Variants in NIPAL3 observed in about 807,000 individuals in gnomAD.
NIPAL3 encodes NIPA like domain containing 3.
Under a neutral mutation model 47.2 loss-of-function variants are expected in NIPAL3, and 41 were observed. The observed-to-expected ratio is 0.87, with a 90% CI of 0.68 to 1.13. The LOEUF (loss-of-function observed/expected upper bound fraction) is 1.13. Ranked by LOEUF, NIPAL3 falls within the 50% of genes most tolerant of loss-of-function variation. NIPAL3 has a pLI of 0.00. For synonymous variants in NIPAL3, 194 were observed against 209.6 expected (o/e 0.93, Z 0.64); for missense variants, 449 against 530.1 (o/e 0.85, Z 1.50).
At chr1:24,440,298 G>A in intron 3 of NIPAL3, 58 bp downstream of exon 3, 1 of 1,380,930 alleles carries the variant, frequency 7.2e-7, no homozygotes, top group Non-Finnish European at 9.7e-7. Context: ...AAGTCAGGGT[G>A]TCTTATCCAG....
In NIPAL3 at chr1:24,449,195, A is replaced by G. The variant is rs1645813101; in HGVS notation, c.395-286A>G. 6.6e-6 allele frequency among the ~76,000 whole-genome samples: 1 copy of G among 152,194 alleles called. No homozygotes were observed. Among genetic ancestry groups the G allele is most frequent in the African/African-American group, 2.4e-5 (1 of 41,452 alleles). Reference sequence around the variant, plus strand: ...TATCTGGCTAATGTTCTCTTTCTCCATCTGGGAGCTGGTTTCATGAGTGTG... The same window carrying G: ...TATCTGGCTAATGTTCTCTTTCTCCGTCTGGGAGCTGGTTTCATGAGTGTG... On this transcript the variant is annotated intron_variant, in intron 5 of 11. Transcript: ENST00000374399. The surrounding 1 kb of genome is among the most constrained non-coding windows in gnomAD (Gnocchi z 4.5).
upstream of NIPAL3, chr1:24,414,440 C>G (rs111497711): frequency 2.0e-5 from 3 of 151,864 alleles, no homozygotes; most frequent in African/African-American, 7.3e-5. Flanking sequence ...CCTCTTCACA[C>G]GCTTCAGGGC....
intron 3 of NIPAL3, among the ~76,000 whole-genome samples, chr1:24,441,778 C>G (rs1038761857): frequency 3.3e-5 from 5 of 152,144 alleles, no homozygotes; most frequent in African/African-American, 4.8e-5. Context: ...ATCCACACCT[C>G]TCCGAGACTG....
At position 24,469,149 on chromosome 1, in the gene NIPAL3, C is replaced by T; in HGVS notation, c.1185C>T (p.Val395=). 1 of 1,614,028 alleles carries T rather than the reference C, an allele frequency of 6.2e-7. No homozygotes were observed. The highest frequency in any genetic ancestry group is 8.5e-7 in the Non-Finnish European group (1 of 1,180,018). ...ACGGCTCCAGAAGTGCCTCTGGGGT[C>T]CCCTACCGAGTCCTAGAGCACACCA... is the stretch of plus-strand genomic sequence containing the variant. ...EEHGSRSASG[V]PYRVLEHTKK... The change falls in exon 12 of 12, where the codon GTC becomes GTT. Residue 395 remains valine (V), a synonymous_variant. Coordinates refer to ENST00000374399, the MANE Select transcript of NIPAL3 (RefSeq NM_020448.5).
intron 2 of NIPAL3, among the ~76,000 whole-genome samples, chr1:24,420,988 A>G (rs1644303418): frequency 6.6e-6 from 1 of 152,184 alleles, no homozygotes; most frequent in African/African-American, 2.4e-5. Flanking sequence ...TCAGTGCAGC[A>G]TCTGATTACT....
At chr1:24,440,387 C>G (rs1645322584) in intron 3 of NIPAL3, 147 bp downstream of exon 3, 3 of 503,274 alleles carry the variant, frequency 6.0e-6, no homozygotes, top group East Asian at 7.2e-5. Flanking sequence ...GTGGGCCGTT[C>G]CAGGATTTCT....
Position 24,449,385 on chromosome 1 carries a change from G to A in NIPAL3, c.395-96G>A. The A allele has an allele frequency of 2.3e-6, 3 of 1,329,630 alleles. No homozygotes were observed. Among genetic ancestry groups the A allele is most frequent in the Admixed American group, 2.1e-5 (1 of 48,762 alleles). The allele number at this position is 1,329,630 out of a possible 1,614,324, so 82.4% of individuals were successfully genotyped here. A position where few individuals can be genotyped will look rare whatever the true frequency, so the allele number is the denominator to read the frequency against. The stretch of plus-strand genomic sequence containing the variant: ...TACAAACAATACCAGGTCATGGTAT[G>A]TTGCAGGAGAAGCCTGTTTTTTCAT... On this transcript the variant is annotated intron_variant, in intron 5 of 11. Coordinates refer to ENST00000374399, the MANE Select transcript of NIPAL3 (RefSeq NM_020448.5). This position sits in a 1 kb window ranked among gnomAD's most constrained non-coding sequence, Gnocchi z 4.5.
At chr1:24,427,709 GTGT>G (rs1644659848) in intron 2 of NIPAL3, among the ~76,000 whole-genome samples, 1 of 152,176 alleles carries the variant, frequency 6.6e-6, no homozygotes, top group Admixed American at 6.5e-5. Context: ...CCATCTCATA[GTGT>G]TGTTTGTGGC....
chr1:24,458,799 T>C, intron 8 of NIPAL3, 89 bp from the exon 9 acceptor site: 2 of 986,934 alleles, frequency 2.0e-6, no homozygotes, highest in Non-Finnish European at 3.3e-6. Context: ...TGTATCATCT[T>C]CATATTTCAA....
In NIPAL3 at chr1:24,464,014, TC is replaced by T; in HGVS notation, c.927-10del. 1.2e-6 allele frequency: 2 copies of T among 1,608,012 alleles called. No individual in the cohort carries two copies. Among genetic ancestry groups the T allele is most frequent in the Non-Finnish European group, 1.7e-6 (2 of 1,175,942 alleles). Reference sequence around the variant, plus strand: ...GCCTTATTTCTCTTCCTATCTTATCTCCATTCCGCAGGTGCCTCATTGCATT... The same window carrying T: ...GCCTTATTTCTCTTCCTATCTTATCTCATTCCGCAGGTGCCTCATTGCATT... On this transcript the variant is annotated splice_polypyrimidine_tract_variant and intron_variant, in intron 10 of 11. Transcript: ENST00000374399.
At chr1:24,437,183 T>C (rs920075160) in intron 2 of NIPAL3, among the ~76,000 whole-genome samples, 7 of 151,736 alleles carry the variant, frequency 4.6e-5, no homozygotes, top group African/African-American at 1.2e-4. Context: ...ACCCGGGAGG[T>C]GGAGTTTGCA....
chr1:24,452,779 G>A (rs1646000445), intron 6 of NIPAL3, among the ~76,000 whole-genome samples: 2 of 151,580 alleles, frequency 1.3e-5, no homozygotes, highest in African/African-American at 2.4e-5. Context: ...GTGCAGTGGC[G>A]TGATCTCAGC....
chr1:24,436,849 A>G (rs1292565735), intron 2 of NIPAL3, among the ~76,000 whole-genome samples: 1 of 152,112 alleles, frequency 6.6e-6, no homozygotes, highest in Non-Finnish European at 1.5e-5. Flanking sequence ...ACATAGCAGG[A>G]AGAATAGGGA....
At chr1:24,433,432 A>C (rs563234206) in intron 2 of NIPAL3, among the ~76,000 whole-genome samples, 2 of 152,308 alleles carry the variant, frequency 1.3e-5, no homozygotes, top group Admixed American at 1.3e-4. Context: ...TTGGAAGAGG[A>C]GGCCAGGCAT....
chr1:24,441,038 G>C (rs1458165687), intron 3 of NIPAL3, among the ~76,000 whole-genome samples: 1 of 152,092 alleles, frequency 6.6e-6, no homozygotes, highest in Admixed American at 6.5e-5. Flanking sequence ...CAGACTACCT[G>C]CTCCCACATT....
intron 10 of NIPAL3, 106 bp downstream of exon 10, chr1:24,460,650 A>G: frequency 1.1e-6 from 1 of 915,520 alleles, no homozygotes; most frequent in South Asian, 2.0e-5. Context: ...CTTTAGAGTC[A>G]GAGGAGCTGT....
At chr1:24,432,318 G>A (rs979550012) in intron 2 of NIPAL3, among the ~76,000 whole-genome samples, 3 of 152,004 alleles carry the variant, frequency 2.0e-5, no homozygotes, top group African/African-American at 4.8e-5. Context: ...GTAGAGACAG[G>A]GTTTCTCCAT....
At chr1:24,442,412 C>T (rs1645441312) in intron 4 of NIPAL3, among the ~76,000 whole-genome samples, 186 bp downstream of exon 4, 1 of 152,180 alleles carries the variant, frequency 6.6e-6, no homozygotes, top group African/African-American at 2.4e-5. Context: ...TGCTAATCCT[C>T]CAGCCACCTG....
At chr1:24,428,252 AAAAG>A (rs1440995674) in intron 2 of NIPAL3, among the ~76,000 whole-genome samples, 8 of 66,910 alleles carry the variant, frequency 1.2e-4, no homozygotes, top group East Asian at 3.8e-4. Context: ...CCCTGTCTCA[AAAAG>A]AAAGAGAGAG....
Sources: allele counts gnomAD v4.1 joint callset (sites outside exome capture counted in the v4.1 genomes callset), GRCh38; gene constraint gnomAD v4.1.1; non-coding constraint Gnocchi (gnomAD v3.1); transcripts MANE v1.5; gene names NCBI Gene and HGNC (gene_info 2026-07-23, HGNC 2026-07-21).